Variants in FREM2 observed in about 807,000 individuals in gnomAD.
FREM2 encodes the protein FRAS1 related extracellular matrix 2.
Under a neutral mutation model 219.9 loss-of-function variants are expected in FREM2, and 119 were observed. The observed-to-expected ratio is 0.54, with a 90% CI of 0.47 to 0.63. The LOEUF (loss-of-function observed/expected upper bound fraction) is 0.63. Ranked by LOEUF, FREM2 falls within the 30% of genes least tolerant of loss-of-function variation. The pLI is 0.00. For synonymous variants in FREM2, 1,562 were observed against 1,522.8 expected, an observed-to-expected ratio of 1.03 and a Z score of -0.60; for missense variants, 4,030 against 3,993.6, an observed-to-expected ratio of 1.01 and a Z score of -0.25.
At chr13:38,782,429 C>T (rs960251272) in intron 4 of FREM2, among the ~76,000 whole-genome samples, 2 of 151,998 alleles carry the variant, frequency 1.3e-5, no homozygotes, top group Admixed American at 1.3e-4. Flanking sequence ...GTTATTCTGT[C>T]AGGAGTGAAA....
chr13:38,761,351 G>GC (rs150417983), intron 2 of FREM2, among the ~76,000 whole-genome samples: 6,409 of 152,204 alleles, frequency 0.042, 498 homozygotes, highest in African/African-American at 0.15. Flanking sequence ...CAGGAGTGTG[G>GC]CATAAAGGTG....
intron 13 of FREM2, 72 bp downstream of exon 13, chr13:38,858,105 A>G (rs746382064): frequency 1.5e-5 from 20 of 1,302,840 alleles, no homozygotes; most frequent in Non-Finnish European, 2.1e-5. Flanking sequence ...TCAATATAGC[A>G]TTGGCTTTGT....
intron 2 of FREM2, among the ~76,000 whole-genome samples, chr13:38,699,941 C>A (rs77142257): frequency 6.6e-6 from 1 of 151,846 alleles, no homozygotes; most frequent in South Asian, 2.1e-4. Flanking sequence ...TAAGTCATCC[C>A]GATGAAATAT....
chr13:38,690,483 G>A lies in FREM2; in HGVS notation c.3139G>A (p.Gly1047Ser), dbSNP rs1194030152. The change falls in exon 1 of 24, where the codon GGC becomes AGC. Residue 1047 changes from glycine to serine, a missense_variant. Physicochemically the swap from Gly to Ser is moderately conservative, Grantham distance 56. Transcript: ENST00000280481. ...TATGTCTCAAGAATGGAGAATTGGT[G>A]GCAATACTATCCAAGGAGTTACTAT... ...SDMSQEWRIG[G>S]NTIQGVTIWV... 8.7e-6 allele frequency: 14 copies of A among 1,614,208 alleles called. No individual in the cohort carries two copies. The highest frequency in any genetic ancestry group is 1.2e-5 in the Non-Finnish European group (14 of 1,180,036).
chr13:38,785,794 T>C (rs1874304310), intron 6 of FREM2, among the ~76,000 whole-genome samples: 1 of 152,214 alleles, frequency 6.6e-6, no homozygotes, highest in Non-Finnish European at 1.5e-5. Flanking sequence ...TCTTTGTATT[T>C]CTTTGAATTG....
chr13:38,736,937 A>G (rs942853480), intron 2 of FREM2, among the ~76,000 whole-genome samples: 2 of 150,546 alleles, frequency 1.3e-5, no homozygotes, highest in Non-Finnish European at 3.0e-5. Context: ...GTGGCCTTGC[A>G]TTTGGCAGTC....
intron 6 of FREM2, among the ~76,000 whole-genome samples, chr13:38,832,815 C>T (rs946016711): frequency 4.6e-5 from 7 of 152,042 alleles, no homozygotes; most frequent in Admixed American, 3.9e-4. Flanking sequence ...GAAGCTGAGG[C>T]GGACAGATCG....
At chr13:38,851,559 G>A in intron 10 of FREM2, 127 bp from the exon 11 acceptor site, 1 of 762,986 alleles carries the variant, frequency 1.3e-6, no homozygotes, top group Non-Finnish European at 2.2e-6. Context: ...TTTGAGTGAG[G>A]GGACAGAGAG....
Position 38,687,567 on chromosome 13 carries a change from G to A in FREM2, c.223G>A (p.Ala75Thr), listed in dbSNP as rs761379011. 3.7e-6 allele frequency: 6 copies of A among 1,603,166 alleles called. No individual in the cohort carries two copies. The highest frequency in any genetic ancestry group is 5.1e-6 in the Non-Finnish European group (6 of 1,174,386). The change falls in exon 1 of 24, where the codon GCG becomes ACG. Residue 75 changes from alanine to threonine, a missense_variant. Ala to Thr is a moderately conservative substitution (Grantham distance 58). Around this residue, in one of 2 missense-constraint regions of FREM2, gnomAD observed 3,102 missense variants for 2,950.7 expected, o/e 1.05. Coordinates refer to ENST00000280481, the MANE Select transcript of FREM2 (RefSeq NM_207361.6). ...GVPAEEAIVL[A>T]NRGLRVPFGR... The stretch of plus-strand genomic sequence containing the variant: ...CCCTGCTGAGGAGGCCATAGTGCTG[G>A]CGAACCGCGGACTCCGGGTGCCTTT...
intron 6 of FREM2, among the ~76,000 whole-genome samples, chr13:38,820,561 T>C (rs1256108215): frequency 6.6e-6 from 1 of 152,060 alleles, no homozygotes; most frequent in Non-Finnish European, 1.5e-5. Flanking sequence ...TTTAAAACTA[T>C]TAAAATGAAT....
chr13:38,834,771 C>T (rs1448692547), intron 6 of FREM2, among the ~76,000 whole-genome samples: 1 of 152,100 alleles, frequency 6.6e-6, no homozygotes, highest in Non-Finnish European at 1.5e-5. Flanking sequence ...CTGTTCATAT[C>T]CTTTGCCCAC....
At position 38,872,940 on chromosome 13, in the gene FREM2, T is replaced by A; in HGVS notation, c.8176+6T>A. 2 of 1,612,662 alleles carry A rather than the reference T, an allele frequency of 1.2e-6. No homozygotes were observed. Among genetic ancestry groups the A allele is most frequent in the Non-Finnish European group, 1.7e-6 (2 of 1,179,074 alleles). The stretch of plus-strand genomic sequence containing the variant: ...CCCAGAGGCTGAACTTCAAGGTGAG[T>A]TCAGAAGACTTGGAAAATTCTATAG... On this transcript the variant is annotated splice_donor_region_variant and intron_variant, in intron 17 of 23. Transcript: ENST00000280481.
intron 2 of FREM2, among the ~76,000 whole-genome samples, chr13:38,753,187 A>C (rs1872848481): frequency 6.6e-6 from 1 of 152,162 alleles, no homozygotes; most frequent in South Asian, 2.1e-4. Context: ...TTTTTAACTT[A>C]TATACAAGTG....
chr13:38,748,702 C>G (rs1228662141), intron 2 of FREM2, among the ~76,000 whole-genome samples: 3 of 152,104 alleles, frequency 2.0e-5, no homozygotes, highest in Non-Finnish European at 4.4e-5. Flanking sequence ...CTTAATACAG[C>G]TTATTTTTCC....
intron 2 of FREM2, among the ~76,000 whole-genome samples, chr13:38,749,777 C>G (rs1390664089): frequency 1.3e-5 from 2 of 152,200 alleles, no homozygotes; most frequent in Non-Finnish European, 2.9e-5. Context: ...CCAAGAACTA[C>G]TGGTTTAGAC....
chr13:38,858,973 T>A (rs1877657805), intron 13 of FREM2, among the ~76,000 whole-genome samples: 1 of 118,652 alleles, frequency 8.4e-6, no homozygotes, highest in African/African-American at 3.1e-5. Context: ...GGGGGTAAGA[T>A]GAGCGACAGG....
At position 38,690,307 on chromosome 13, in the gene FREM2, C is replaced by T; in HGVS notation, c.2963C>T (p.Pro988Leu). The T allele has an allele frequency of 6.2e-7, 1 of 1,614,150 alleles. No homozygotes were observed. Among genetic ancestry groups the T allele is most frequent in the Non-Finnish European group, 8.5e-7 (1 of 1,180,010 alleles). Residue 988 changes from proline (P) to leucine (L), a missense_variant, in exon 1 of 24, where the codon CCA becomes CTA. Around this residue, in one of 2 missense-constraint regions of FREM2, gnomAD observed 3,102 missense variants for 2,950.7 expected, o/e 1.05. Coordinates refer to ENST00000280481, the MANE Select transcript of FREM2 (RefSeq NM_207361.6). Reference protein sequence around the residue: ...DLMLTFLLEDPPLYGEILVNG... With the variant: ...DLMLTFLLEDLPLYGEILVNG... ...ATGTTGACTTTCCTCTTGGAAGATC[C>T]ACCTTTGTATGGGGAAATCTTGGTC... is the stretch of plus-strand genomic sequence containing the variant.
At chr13:38,857,036 A>G (rs891048740) in intron 12 of FREM2, among the ~76,000 whole-genome samples, 1 of 151,950 alleles carries the variant, frequency 6.6e-6, no homozygotes, top group Non-Finnish European at 1.5e-5. Context: ...CTTGCTTTTT[A>G]TCAAGTTATT....
intron 3 of FREM2, among the ~76,000 whole-genome samples, chr13:38,766,900 A>G (rs972938279): frequency 1.3e-5 from 2 of 152,196 alleles, no homozygotes; most frequent in Non-Finnish European, 1.5e-5. Flanking sequence ...CTCATTACAT[A>G]CCAGGGGCTG....
Sources: allele counts gnomAD v4.1 joint callset (sites outside exome capture counted in the v4.1 genomes callset), GRCh38; gene constraint gnomAD v4.1.1; regional missense constraint gnomAD v4.1.1; transcripts MANE v1.5; gene names NCBI Gene and HGNC (gene_info 2026-07-23, HGNC 2026-07-21).